ADGRE2: variants seen among roughly 807,000 people sequenced by gnomAD.
ADGRE2 encodes the protein adhesion G protein-coupled receptor E2.
In ADGRE2, 83 loss-of-function variants were observed where a neutral mutation model predicts 100.8. The ratio of observed to expected loss-of-function variants is 0.82; its 90% CI spans 0.69 to 0.99. The LOEUF is 0.99. ADGRE2 is among the 50% of genes least tolerant of loss of function. ADGRE2 has a pLI of 0.00. For missense variants in ADGRE2, 814 were observed against 1,035.7 expected, an observed-to-expected ratio of 0.79 and a Z score of 2.94; for synonymous variants, 355 against 413.0, an observed-to-expected ratio of 0.86 and a Z score of 1.70.
chr19:14,759,504 T>TATATATATATATATATATATATA (rs1555786067), intron 11 of ADGRE2, among the ~76,000 whole-genome samples: 7 of 70,948 alleles, frequency 9.9e-5, no homozygotes, highest in African/African-American at 3.1e-4. Flanking sequence ...TATATATATA[T>TATATATATATATATATATATATA]TTTTTTTTTT....
rs2042692653 is a variant in ADGRE2, at chr19:14,733,178, T to C, written c.*3058A>G. ...TATTATGTGGTCTCTTGAACCAGCC[T>C]TAGGCATGGAGGTTGAGGATCAGGA... On this transcript the variant is annotated 3_prime_UTR_variant, in exon 21 of 21. Transcript: ENST00000315576. 1 of 152,192 alleles carries C rather than the reference T, an allele frequency of 6.6e-6. No individual in the cohort carries two copies. Among genetic ancestry groups the C allele is most frequent in the Non-Finnish European group, 1.5e-5 (1 of 68,052 alleles). 9.4% of individuals were successfully genotyped at this position (152,192 alleles called of 1,614,324 possible). A position where few individuals can be genotyped will look rare whatever the true frequency, so the allele number is the denominator to read the frequency against.
downstream of ADGRE2, among the ~76,000 whole-genome samples, chr19:14,729,599 C>T (rs1365969355): frequency 6.6e-6 from 1 of 152,112 alleles, no homozygotes; most frequent in Non-Finnish European, 1.5e-5. Flanking sequence ...GCGATCTGCC[C>T]ACCCCAGCCT....
At chr19:14,740,103 TA>T (rs398120849) in intron 20 of ADGRE2, among the ~76,000 whole-genome samples, 12,331 of 75,590 alleles carry the variant, frequency 0.16, 1,749 homozygotes, top group African/African-American at 0.39. Flanking sequence ...AGACTCTGTC[TA>T]AAAAAAAAAA....
intron 1 of ADGRE2, among the ~76,000 whole-genome samples, chr19:14,777,708 T>C (rs1365156443): frequency 2.1e-5 from 3 of 144,224 alleles, no homozygotes; most frequent in Non-Finnish European, 4.5e-5. Flanking sequence ...GGTGTTCTCA[T>C]TGCTCAGTTC....
Position 14,765,364 on chromosome 19 carries a change from G to A in ADGRE2, c.862C>T (p.Leu288=), listed in dbSNP as rs939095731. 6 of 1,614,054 alleles carry A rather than the reference G, an allele frequency of 3.7e-6. No homozygotes were observed. Among genetic ancestry groups the A allele is most frequent in the South Asian group, 1.1e-5 (1 of 91,092 alleles). ...LSRFFDKVQD[L]GRDYKPGLAN... ...AAGCCTGGCTTGTAGTCTCTGCCCA[G>A]GTCCTGGACTTTGTCGAAGAATCGG... Residue 288 remains leucine, a synonymous_variant, in exon 10 of 21, where the codon CTG becomes TTG. Coordinates refer to ENST00000315576, the MANE Select transcript of ADGRE2 (RefSeq NM_013447.4).
At position 14,776,877 on chromosome 19, in the gene ADGRE2, G is replaced by T. The variant is rs2286363; in HGVS notation, c.-121C>A. The T allele has an allele frequency of 3.3e-3, 5,034 of 1,535,822 alleles. 112 individuals carry two copies. In the African/African-American group the frequency reaches 0.057, roughly 17 times the overall value. ...CCGAGGCCAGGACTTTATAAAGGAG[G>T]GGGGGCGGACAGCCGCTGGCCCAGG... On this transcript the variant is annotated 5_prime_UTR_variant, in exon 2 of 21. Transcript: ENST00000315576.
chr19:14,746,919 CA>C lies in ADGRE2; in HGVS notation c.2067del (p.Gly690AspfsTer9), dbSNP rs2147174057. ...ACAGAGAAGATGGCGCAGACAGGTC[CA>C]AGGAAGCCCCATATAAATCCCTTTT... ...QPEKGFIWGF[L>X]GPVCAIFSVN... On this transcript the variant is annotated frameshift_variant, in exon 17 of 21. Transcript: ENST00000315576. LOFTEE classifies it high-confidence loss of function. The C allele has an allele frequency of 6.2e-7, 1 of 1,613,738 alleles. No homozygotes were observed. Among genetic ancestry groups the C allele is most frequent in the East Asian group, 2.2e-5 (1 of 44,852 alleles).
intron 20 of ADGRE2, among the ~76,000 whole-genome samples, chr19:14,743,049 AG>A (rs1461379410): frequency 6.6e-6 from 1 of 151,892 alleles, no homozygotes; most frequent in African/African-American, 2.4e-5. Flanking sequence ...GTCCCACCTC[AG>A]CCTCCCGAGG....
Position 14,752,492 on chromosome 19 carries a change from A to G in ADGRE2, c.1625T>C (p.Met542Thr). 3.1e-6 allele frequency: 5 copies of G among 1,614,172 alleles called. No homozygotes were observed. The highest frequency in any genetic ancestry group is 3.4e-6 in the Non-Finnish European group (4 of 1,180,022). The stretch of plus-strand genomic sequence containing the variant: ...GCACAGCAGAGAGACGCTCAGCCCC[A>G]TGTAGGTGATGACAGTCAGCACGGG... ...EDPVLTVITY[M>T]GLSVSLLCLL... The change falls in exon 15 of 21, where the codon ATG becomes ACG. Residue 542 changes from methionine (M) to threonine (T), a missense_variant. Around this residue, in one of 5 missense-constraint regions of ADGRE2, gnomAD observed 569 missense variants for 692.7 expected, o/e 0.82. Transcript: ENST00000315576.
chr19:14,751,912 CATAT>C (rs1259908615), intron 15 of ADGRE2, among the ~76,000 whole-genome samples: 79 of 94,992 alleles, frequency 8.3e-4, no homozygotes, highest in East Asian at 1.2e-3. Flanking sequence ...CACACACACA[CATAT>C]ATATATATAT....
At chr19:14,767,951 G>A (rs192716901) in intron 5 of ADGRE2, among the ~76,000 whole-genome samples, 16 of 152,340 alleles carry the variant, frequency 1.1e-4, no homozygotes, top group African/African-American at 3.8e-4. Flanking sequence ...CTATGCAACT[G>A]TACATGGTGG....
rs539322163 is a variant in ADGRE2 at position 14,776,809 on chromosome 19, G to A, written c.-53C>T. On this transcript the variant is annotated 5_prime_UTR_variant, in exon 2 of 21. Transcript: ENST00000315576. ...AGCAGGGGAAAGAGTGAGTGGGACA[G>A]GGCTGTCCCGTCTCCGCAGGCTGGG... is the stretch of plus-strand genomic sequence containing the variant. The A allele has an allele frequency of 6.2e-7, 1 of 1,609,078 alleles. No homozygotes were observed. The highest frequency in any genetic ancestry group is 1.7e-5 in the Admixed American group (1 of 59,458).
At chr19:14,766,121 G>A (rs1348918373) in intron 7 of ADGRE2, 114 bp downstream of exon 7, 2 of 1,548,508 alleles carry the variant, frequency 1.3e-6, no homozygotes, top group East Asian at 2.3e-5. Context: ...AAGAATGAAC[G>A]CCTGACACAG....
chr19:14,777,050 C>A, intron 1 of ADGRE2, 123 bp from the exon 2 acceptor site: 1 of 1,249,022 alleles, frequency 8.0e-7, no homozygotes. Flanking sequence ...GTGCAACCTG[C>A]TTTAAAAATC....
chr19:14,751,926 TA>T (rs1568593601), intron 15 of ADGRE2, among the ~76,000 whole-genome samples: 21 of 60,812 alleles, frequency 3.5e-4, no homozygotes, highest in African/African-American at 1.9e-3. Context: ...TATATATATA[TA>T]TATATTTTTT....
At position 14,732,756 on chromosome 19, in the gene ADGRE2, T is replaced by C. The variant is rs965826800; in HGVS notation, c.*3480A>G. On this transcript the variant is annotated 3_prime_UTR_variant, in exon 21 of 21. Transcript: ENST00000315576. ...ATAGCCATGATCATTCATTTATGAT[T>C]GTCTATAGCTGTTTTCATATCACAA... 1 of 152,238 alleles carries C rather than the reference T, an allele frequency of 6.6e-6. No individual in the cohort carries two copies. Among genetic ancestry groups the C allele is most frequent in the Non-Finnish European group, 1.5e-5 (1 of 68,046 alleles). The allele number at this position is 152,238 out of a possible 1,614,324, so 9.4% of individuals were successfully genotyped here. A position where few individuals can be genotyped will look rare whatever the true frequency, so the allele number is the denominator to read the frequency against.
chr19:14,743,801 A>G lies in ADGRE2; in HGVS notation c.2184-17T>C, dbSNP rs1167871534. 1 of 1,612,706 alleles carries G rather than the reference A, an allele frequency of 6.2e-7. No individual in the cohort carries two copies. Among genetic ancestry groups the G allele is most frequent in the East Asian group, 2.2e-5 (1 of 44,894 alleles). ...GCCAGCATCCTGGATTGAGTAAGAAAGGAGGCTGGTGATGCACCCAGAGAA... is the reference window on the plus strand; with the variant it reads ...GCCAGCATCCTGGATTGAGTAAGAAGGGAGGCTGGTGATGCACCCAGAGAA... On this transcript the variant is annotated splice_polypyrimidine_tract_variant and intron_variant, in intron 18 of 20. Transcript: ENST00000315576.
chr19:14,764,054 C>T (rs2043855766), intron 11 of ADGRE2, among the ~76,000 whole-genome samples: 1 of 151,492 alleles, frequency 6.6e-6, no homozygotes, highest in African/African-American at 2.4e-5. Flanking sequence ...TCTTCTTCCT[C>T]CTCCTCCTCT....
intron 11 of ADGRE2, among the ~76,000 whole-genome samples, chr19:14,758,500 C>T (rs188135385): frequency 6.6e-6 from 1 of 152,126 alleles, no homozygotes; most frequent in African/African-American, 2.4e-5. Context: ...GTGTAAATAC[C>T]CAAGTTTCAC....
Sources: gnomAD v4.1 joint callset for allele counts (sites outside exome capture counted in the v4.1 genomes callset) on GRCh38, gnomAD v4.1.1 for gene constraint, gnomAD v4.1.1 regional missense constraint, MANE v1.5 for transcripts, NCBI Gene and HGNC (gene_info 2026-07-23, HGNC 2026-07-21) for gene names.